The following PGAP1 variants were observed in gnomAD, a reference collection of about 807,000 sequenced individuals.
PGAP1 encodes the protein GPI inositol-deacylase.
A neutral mutation model predicts 127.0 loss-of-function variants in PGAP1; 76 were observed. That is an observed-to-expected ratio of 0.60 (90% CI 0.50 to 0.72). The LOEUF is 0.72. Ranked by LOEUF, PGAP1 falls within the 30% of genes least tolerant of loss-of-function variation. PGAP1 has a pLI of 0.00. For synonymous variants in PGAP1, 362 were observed against 366.5 expected (o/e 0.99, Z 0.14); for missense variants, 982 against 1,071.3 (o/e 0.92, Z 1.16).
At chr2:196,890,721 T>A in intron 10 of PGAP1, 107 bp downstream of exon 10, 1 of 629,822 alleles carries the variant, frequency 1.6e-6, no homozygotes. Context: ...ATTTTTCAAC[T>A]ACTTAGATTT....
At chr2:196,884,380 C>G (rs1463935590) in intron 12 of PGAP1, among the ~76,000 whole-genome samples, 1 of 152,124 alleles carries the variant, frequency 6.6e-6, no homozygotes, top group Non-Finnish European at 1.5e-5. Flanking sequence ...TAAAAATGTT[C>G]AAGAGTCAAT....
At chr2:196,922,923 C>A (rs894450542) in intron 1 of PGAP1, among the ~76,000 whole-genome samples, 4 of 152,032 alleles carry the variant, frequency 2.6e-5, no homozygotes, top group African/African-American at 9.6e-5. Flanking sequence ...CTCCTGGGCT[C>A]AAGTGATCTG....
At chr2:196,868,619 A>G (rs1701317485) in intron 19 of PGAP1, among the ~76,000 whole-genome samples, 1 of 152,226 alleles carries the variant, frequency 6.6e-6, no homozygotes, top group South Asian at 2.1e-4. Flanking sequence ...CTGCACAGAA[A>G]TGATTTACTA....
In PGAP1 at chr2:196,902,755, A is replaced by G; in HGVS notation, c.650-13T>C. ...GTCGTATAAAAATCTGGTGGGGAAT[A>G]AAAAAGAGACATTAAAAAACAGTAG... On this transcript the variant is annotated splice_polypyrimidine_tract_variant and intron_variant, in intron 4 of 26. Coordinates refer to ENST00000354764, the MANE Select transcript of PGAP1 (RefSeq NM_024989.4). 6.3e-7 allele frequency: 1 copy of G among 1,584,414 alleles called. No individual in the cohort carries two copies.
intron 1 of PGAP1, among the ~76,000 whole-genome samples, chr2:196,923,672 T>C (rs538849041): frequency 2.0e-5 from 3 of 151,950 alleles, no homozygotes; most frequent in African/African-American, 7.2e-5. Flanking sequence ...CTTTCTTTTT[T>C]TTTTTTTTGA....
chr2:196,843,737 A>C, intron 25 of PGAP1, 151 bp downstream of exon 25: 1 of 425,320 alleles, frequency 2.4e-6, no homozygotes, highest in Non-Finnish European at 3.8e-6. Flanking sequence ...CAAAAAATTA[A>C]AAATAAATAA....
At chr2:196,902,806 T>C in intron 4 of PGAP1, 64 bp from the exon 5 acceptor site, 1 of 1,165,988 alleles carries the variant, frequency 8.6e-7, no homozygotes, top group Non-Finnish European at 1.2e-6. Context: ...ATAAGATATC[T>C]ATACAGTAAT....
In PGAP1 at chr2:196,912,901, T is replaced by C. The variant is rs1299716452; in HGVS notation, c.630A>G (p.Pro210=). The change falls in exon 4 of 27, where the codon CCA becomes CCG. Residue 210 remains proline, a synonymous_variant. Transcript: ENST00000354764. ...ACTCACCTGTAATGAAACGATCTAA[T>C]GGCATCACAGGAGCAACATGAGGTG... ...QATPHVAPVM[P]LDRFITDFYT... is the part of the protein sequence containing the mutation. 2.5e-6 allele frequency: 4 copies of C among 1,611,070 alleles called. No homozygotes were observed. In the Admixed American group the frequency reaches 5.0e-5, roughly 20 times the overall value.
chr2:196,920,082 T>C lies in PGAP1; in HGVS notation c.216A>G (p.Gly72=). 1 of 1,613,464 alleles carries C rather than the reference T, an allele frequency of 6.2e-7. No homozygotes were observed. The highest frequency in any genetic ancestry group is 8.5e-7 in the Non-Finnish European group (1 of 1,179,586). Residue 72 remains glycine, a synonymous_variant, in exon 2 of 27, where the codon GGA becomes GGG. Coordinates refer to ENST00000354764, the MANE Select transcript of PGAP1 (RefSeq NM_024989.4). ...PAYELYLYGE[G]SYAEEHKILP... ...GAATTTTGTGTTCTTCAGCATAGGA[T>C]CCCTCTCCATAAAGATACAACTCAT...
In PGAP1 at chr2:196,840,934, C is replaced by T. The variant is rs117084928; in HGVS notation, c.*300G>A. On this transcript the variant is annotated 3_prime_UTR_variant, in exon 27 of 27. Transcript: ENST00000354764. ...ACTAAATCTCTCATATCAGACTTCT[C>T]GTACAGTTGATAAAACAGACTATTT... is the stretch of plus-strand genomic sequence containing the variant. 2.9e-3 allele frequency: 662 copies of T among 229,058 alleles called. 18 individuals carry two copies. In the East Asian group the frequency reaches 0.036, roughly 12 times the overall value. The allele number at this position is 229,058 out of a possible 1,614,324, so 14.2% of individuals were successfully genotyped here.
chr2:196,848,446 G>A (rs1700621389), intron 20 of PGAP1, among the ~76,000 whole-genome samples: 1 of 152,078 alleles, frequency 6.6e-6, no homozygotes, highest in Non-Finnish European at 1.5e-5. Flanking sequence ...ACAAAAGAAA[G>A]TTTTCTTTTA....
intron 8 of PGAP1, 117 bp downstream of exon 8, chr2:196,893,023 A>G: frequency 2.0e-6 from 1 of 508,138 alleles, no homozygotes; most frequent in South Asian, 2.6e-5. Context: ...TATATATAAT[A>G]GGATCCTAAA....
Position 196,890,754 on chromosome 2 carries a change from G to A in PGAP1, c.1173+74C>T, listed in dbSNP as rs1025063621. 4 of 793,842 alleles carry A rather than the reference G, an allele frequency of 5.0e-6. No individual in the cohort carries two copies. The Admixed American group carries it at 8.3e-5, about 17-fold the overall frequency. 49.2% of individuals were successfully genotyped at this position (793,842 alleles called of 1,614,324 possible). ...TTTAATAGTAATATTTCATAGCTAG[G>A]TCTACCAGTAGAATTTGAAAAATGA... On this transcript the variant is annotated intron_variant, in intron 10 of 26. Transcript: ENST00000354764.
intron 4 of PGAP1, among the ~76,000 whole-genome samples, chr2:196,904,722 C>T (rs1490512320): frequency 6.6e-6 from 1 of 151,446 alleles, no homozygotes; most frequent in African/African-American, 2.4e-5. Flanking sequence ...GCGTGACTGT[C>T]TCAAAAAAAA....
intron 20 of PGAP1, among the ~76,000 whole-genome samples, chr2:196,849,306 C>T (rs568646714): frequency 1.0e-4 from 15 of 149,592 alleles, no homozygotes; most frequent in African/African-American, 3.2e-4. Flanking sequence ...ATTCTGTCAC[C>T]AGGCTGGAGT....
intron 20 of PGAP1, among the ~76,000 whole-genome samples, chr2:196,861,837 T>C (rs1701076417): frequency 6.6e-6 from 1 of 151,918 alleles, no homozygotes; most frequent in Admixed American, 6.6e-5. Context: ...AAAGATTTCA[T>C]GGACACTTAT....
Position 196,833,699 on chromosome 2 carries a change from AC to A in PGAP1, c.*7534del, listed in dbSNP as rs1374798392. On this transcript the variant is annotated 3_prime_UTR_variant, in exon 27 of 27. Transcript: ENST00000354764. ...TAGGTAGTGGAGGTAAAATGGGAAA[AC>A]AATGTGTTGAGTTTACTTTCAAAAT... 6.6e-6 allele frequency: 1 copy of A among 152,154 alleles called. No individual in the cohort carries two copies. Among genetic ancestry groups the A allele is most frequent in the African/African-American group, 2.4e-5 (1 of 41,468 alleles). The allele number at this position is 152,154 out of a possible 1,614,324, so 9.4% of individuals were successfully genotyped here. A position where few individuals can be genotyped will look rare whatever the true frequency, so the allele number is the denominator to read the frequency against.
At chr2:196,922,762 C>G (rs1703244813) in intron 1 of PGAP1, 1 of 152,938 alleles carries the variant, frequency 6.5e-6, no homozygotes, top group Admixed American at 7.1e-5. Flanking sequence ...CTCACTGTAG[C>G]TTCGACTTCC....
intron 19 of PGAP1, among the ~76,000 whole-genome samples, chr2:196,868,937 G>A (rs534696197): frequency 3.3e-5 from 5 of 152,118 alleles, no homozygotes; most frequent in South Asian, 2.1e-4. Flanking sequence ...AACATCTTAC[G>A]TCTTTTCAAT....
Sources: gnomAD v4.1 joint callset for allele counts (sites outside exome capture counted in the v4.1 genomes callset) on GRCh38, gnomAD v4.1.1 for gene constraint, MANE v1.5 for transcripts, NCBI Gene and HGNC (gene_info 2026-07-23, HGNC 2026-07-21) for gene names.